The following ZNF385D variants were observed in gnomAD, a reference collection of about 807,000 sequenced individuals.
ZNF385D encodes zinc finger protein 385D.
Under a neutral mutation model 35.8 loss-of-function variants are expected in ZNF385D, and 15 were observed. That is an observed-to-expected ratio of 0.42 (90% CI 0.28 to 0.64). ZNF385D has a LOEUF of 0.64. Ranked by LOEUF, ZNF385D falls within the 30% of genes least tolerant of loss-of-function variation. The pLI is 0.23. For missense variants in ZNF385D, 474 were observed against 494.6 expected (o/e 0.96, Z 0.39); for synonymous variants, 212 against 186.8 (o/e 1.13, Z -1.10).
Position 21,916,514 on chromosome 3 carries a change from T to A in ZNF385D, c.326-251486A>T, listed in dbSNP as rs185075739. 7.2e-4 allele frequency among the ~76,000 whole-genome samples: 109 copies of A among 152,298 alleles called. 1 individual carries two copies. The highest frequency in any genetic ancestry group is 8.7e-4 in the Non-Finnish European group (59 of 68,008). On this transcript the variant is annotated intron_variant, in intron 3 of 5. Coordinates refer to the ZNF385D transcript ENST00000494108. ...AACAACAAAAATCCACATATTTCTA[T>A]ACCCCAAAGTCACTATTTTAACCAC...
chr3:21,809,844 G>T lies in ZNF385D; in HGVS notation c.326-144816C>A, dbSNP rs144816207. On this transcript the variant is annotated intron_variant, in intron 3 of 5. Transcript: ENST00000494108. Reference sequence around the variant, plus strand: ...CAAAAAACCAGAATATAAACCAAAAGCTAACAGATAACCTGAATTGAGGTA... The same window carrying T: ...CAAAAAACCAGAATATAAACCAAAATCTAACAGATAACCTGAATTGAGGTA... Among the ~76,000 whole-genome samples the T allele has an allele frequency of 3.3e-3, 499 of 151,790 alleles. 7 individuals carry two copies. Among genetic ancestry groups the T allele is most frequent in the Middle Eastern group, 0.01 (3 of 290 alleles).
chr3:21,494,542 G>A (rs1194852771), intron 4 of ZNF385D, among the ~76,000 whole-genome samples: 3 of 152,118 alleles, frequency 2.0e-5, no homozygotes, highest in Admixed American at 6.6e-5. Flanking sequence ...CAAGGCAAAG[G>A]CCCCGGGAGG....
intron 2 of ZNF385D, among the ~76,000 whole-genome samples, chr3:21,619,386 T>C (rs2064937974): frequency 6.6e-6 from 1 of 151,688 alleles, no homozygotes; most frequent in South Asian, 2.1e-4. Flanking sequence ...TGTAAACCTG[T>C]CTTTCTTAGT....
At chr3:21,590,301 G>A (rs1165648542) in intron 2 of ZNF385D, among the ~76,000 whole-genome samples, 1 of 152,092 alleles carries the variant, frequency 6.6e-6, no homozygotes, top group Non-Finnish European at 1.5e-5. Context: ...TTTTTTTATT[G>A]TGATTACTTC....
intron 4 of ZNF385D, among the ~76,000 whole-genome samples, chr3:21,474,398 G>C (rs1704100572): frequency 1.3e-5 from 2 of 152,056 alleles, no homozygotes; most frequent in Admixed American, 6.6e-5. Flanking sequence ...ACAATGAGTA[G>C]GTGCCCCAGA....
At chr3:22,286,317 C>T (rs1389029646) in intron 2 of ZNF385D, among the ~76,000 whole-genome samples, 3 of 152,066 alleles carry the variant, frequency 2.0e-5, no homozygotes, top group Non-Finnish European at 4.4e-5. Context: ...ATGTAACAGT[C>T]TATTAATTTT....
chr3:22,138,414 C>G (rs1182648504), intron 3 of ZNF385D, among the ~76,000 whole-genome samples: 4 of 152,266 alleles, frequency 2.6e-5, no homozygotes, highest in Non-Finnish European at 5.9e-5. Flanking sequence ...TGACTTCAAA[C>G]TATACTACAA....
At chr3:22,145,981 T>C (rs943916655) in intron 3 of ZNF385D, among the ~76,000 whole-genome samples, 1 of 152,094 alleles carries the variant, frequency 6.6e-6, no homozygotes, top group Non-Finnish European at 1.5e-5. Flanking sequence ...TTCAAGCCAA[T>C]GCATAGAGTC....
intron 3 of ZNF385D, among the ~76,000 whole-genome samples, chr3:21,798,579 C>T (rs114887101): frequency 1.3e-5 from 2 of 152,168 alleles, no homozygotes; most frequent in African/African-American, 4.8e-5. Flanking sequence ...CCAGGATAAT[C>T]TCCTTTTTGA....
At chr3:22,216,022 C>T (rs1009246941) in intron 2 of ZNF385D, among the ~76,000 whole-genome samples, 1 of 152,018 alleles carries the variant, frequency 6.6e-6, no homozygotes, top group Admixed American at 6.6e-5. Context: ...AGTTCTGCTC[C>T]TATGACTTTG....
intron 3 of ZNF385D, among the ~76,000 whole-genome samples, chr3:21,875,353 C>T (rs1361922056): frequency 2.6e-5 from 4 of 151,850 alleles, no homozygotes; most frequent in African/African-American, 9.7e-5. Flanking sequence ...AGATCATAGC[C>T]TCCATCAGTT....
chr3:21,916,680 A>G (rs1700206413), intron 3 of ZNF385D, among the ~76,000 whole-genome samples: 2 of 152,368 alleles, frequency 1.3e-5, no homozygotes, highest in Non-Finnish European at 2.9e-5. Context: ...TACAAAAGAC[A>G]CTTGAATTAA....
intron 3 of ZNF385D, among the ~76,000 whole-genome samples, chr3:22,073,787 G>C (rs1374329639): frequency 1.3e-5 from 2 of 151,896 alleles, no homozygotes; most frequent in African/African-American, 2.4e-5. Context: ...ATAGGTAAAA[G>C]CATACTATTT....
At chr3:21,857,486 T>A (rs922808930) in intron 3 of ZNF385D, among the ~76,000 whole-genome samples, 4 of 151,950 alleles carry the variant, frequency 2.6e-5, no homozygotes, top group Non-Finnish European at 4.4e-5. Context: ...GTGGTTGGAA[T>A]TAAGGAAATT....
At chr3:22,196,119 C>T (rs558290491) in intron 2 of ZNF385D, among the ~76,000 whole-genome samples, 22 of 151,950 alleles carry the variant, frequency 1.4e-4, no homozygotes, top group Non-Finnish European at 1.9e-4. Flanking sequence ...CAATGAACCC[C>T]GATGACACAA....
At chr3:22,342,276 CAAAAAAAAAA>C (rs766689054) in intron 2 of ZNF385D, among the ~76,000 whole-genome samples, 1,273 of 53,608 alleles carry the variant, frequency 0.024, 26 homozygotes, top group African/African-American at 0.066. Flanking sequence ...GACTCCGCCT[CAAAAAAAAAA>C]AAAAAAAAAA....
intron 3 of ZNF385D, among the ~76,000 whole-genome samples, chr3:22,155,247 T>C (rs897335933): frequency 3.9e-5 from 6 of 152,094 alleles, no homozygotes; most frequent in South Asian, 2.1e-4. Flanking sequence ...ACATTATTGA[T>C]TGCTGTGGTA....
At chr3:21,600,805 G>C (rs959051603) in intron 2 of ZNF385D, among the ~76,000 whole-genome samples, 10 of 151,910 alleles carry the variant, frequency 6.6e-5, no homozygotes, top group African/African-American at 1.5e-4. Context: ...AAAAAGCTCT[G>C]AGAAATTATA....
At chr3:22,219,233 G>A (rs1382850736) in intron 2 of ZNF385D, among the ~76,000 whole-genome samples, 1 of 151,966 alleles carries the variant, frequency 6.6e-6, no homozygotes, top group African/African-American at 2.4e-5. Context: ...TCCGTTTTCA[G>A]TGCTCTCCTA....
Sources: allele counts gnomAD v4.1 joint callset (sites outside exome capture counted in the v4.1 genomes callset), GRCh38; gene constraint gnomAD v4.1.1; transcripts MANE v1.5; gene names NCBI Gene and HGNC (gene_info 2026-07-23, HGNC 2026-07-21).